GRAMD1A: variants seen among roughly 807,000 people sequenced by gnomAD.
The protein encoded by GRAMD1A is protein Aster-A.
A neutral mutation model predicts 92.0 loss-of-function variants in GRAMD1A; 50 were observed. That is an observed-to-expected ratio of 0.54 (90% CI 0.43 to 0.69). GRAMD1A has a LOEUF of 0.69. GRAMD1A is among the 30% of genes least tolerant of loss of function. GRAMD1A has a pLI of 0.00. For missense variants in GRAMD1A, 819 were observed against 978.9 expected (o/e 0.84, Z 2.18); for synonymous variants, 405 against 403.6 (o/e 1.00, Z -0.04).
At chr19:35,023,719 G>A (rs2016249549) in intron 19 of GRAMD1A, 172 bp downstream of exon 19, 1 of 639,598 alleles carries the variant, frequency 1.6e-6, no homozygotes, top group Non-Finnish European at 2.6e-6. Flanking sequence ...AAGCATGGAA[G>A]CATGGATGGA....
At chr19:35,009,085 C>T (rs2015026595) in intron 1 of GRAMD1A, 34 bp from the exon 2 acceptor site, 5 of 1,457,170 alleles carry the variant, frequency 3.4e-6, no homozygotes, top group Non-Finnish European at 4.8e-6. Context: ...CTGTTTTTTC[C>T]AGTTAACACT....
intron 1 of GRAMD1A, among the ~76,000 whole-genome samples, chr19:35,006,941 C>T (rs1432806575): frequency 6.6e-6 from 1 of 152,156 alleles, no homozygotes; most frequent in African/African-American, 2.4e-5. Context: ...GAAGGACATT[C>T]AGGCGGAGGG....
chr19:35,022,061 G>A, intron 16 of GRAMD1A, 23 bp downstream of exon 16: 1 of 1,555,578 alleles, frequency 6.4e-7, no homozygotes, highest in Admixed American at 1.7e-5. Context: ...CAGGAGCAGT[G>A]GCCACACAGG....
chr19:35,010,083 C>A lies in GRAMD1A; in HGVS notation c.326-9C>A. ...TGGGTGTCCTCCTGTCTCTCCCCGC[C>A]CCTCTCAGATTACTCCTGCGCCCTG... is the stretch of plus-strand genomic sequence containing the variant. On this transcript the variant is annotated splice_polypyrimidine_tract_variant and intron_variant, in intron 4 of 19. Coordinates refer to ENST00000317991, the MANE Select transcript of GRAMD1A (RefSeq NM_020895.5). The A allele has an allele frequency of 6.3e-7, 1 of 1,590,098 alleles. No homozygotes were observed. The highest frequency in any genetic ancestry group is 8.6e-7 in the Non-Finnish European group (1 of 1,158,090).
At chr19:35,018,227 A>G (rs2151727623) in intron 11 of GRAMD1A, among the ~76,000 whole-genome samples, 1 of 152,212 alleles carries the variant, frequency 6.6e-6, no homozygotes, top group African/African-American at 2.4e-5. Flanking sequence ...ACCTCAGGTG[A>G]TCCTCCTGCC....
upstream of GRAMD1A, among the ~76,000 whole-genome samples, chr19:34,996,993 C>T (rs1480118936): frequency 1.3e-5 from 2 of 151,862 alleles, no homozygotes; most frequent in Non-Finnish European, 1.5e-5. Context: ...AGTGCAGTGG[C>T]ATGATCTTGG....
intron 6 of GRAMD1A, among the ~76,000 whole-genome samples, chr19:35,011,221 C>T (rs560196557): frequency 6.6e-6 from 1 of 152,148 alleles, no homozygotes; most frequent in South Asian, 2.1e-4. Context: ...TCTAGAGATG[C>T]ATCTGTCCCC....
rs181875554 is a variant in GRAMD1A at position 35,021,207 on chromosome 19, G to A, written c.1476-295G>A. Reference sequence around the variant, plus strand: ...CGAATGGAAGAGGTTCAGGGGCATGGTCTGGTTAAGACGTCAGTCTGTGAG... The same window carrying A: ...CGAATGGAAGAGGTTCAGGGGCATGATCTGGTTAAGACGTCAGTCTGTGAG... On this transcript the variant is annotated intron_variant, in intron 13 of 19. Coordinates refer to ENST00000317991, the MANE Select transcript of GRAMD1A (RefSeq NM_020895.5). This position sits in a 1 kb window ranked among gnomAD's most constrained non-coding sequence, Gnocchi z 5.3. 5.3e-5 allele frequency among the ~76,000 whole-genome samples: 8 copies of A among 152,326 alleles called. No individual in the cohort carries two copies. The highest frequency in any genetic ancestry group is 1.9e-4 in the East Asian group (1 of 5,176).
intron 10 of GRAMD1A, chr19:35,015,286 C>T (rs2015543374): frequency 6.6e-6 from 1 of 152,606 alleles, no homozygotes; most frequent in Admixed American, 6.5e-5. Context: ...TTTTCTCTCT[C>T]CACTAATTTT....
In GRAMD1A at chr19:35,014,395, A is replaced by G; in HGVS notation, c.1069+8A>G. The G allele has an allele frequency of 6.2e-7, 1 of 1,612,822 alleles. No homozygotes were observed. Among genetic ancestry groups the G allele is most frequent in the African/African-American group, 1.3e-5 (1 of 75,026 alleles). On this transcript the variant is annotated splice_region_variant and intron_variant, in intron 10 of 19. Coordinates refer to ENST00000317991, the MANE Select transcript of GRAMD1A (RefSeq NM_020895.5). ...CATCCACTGGGGAGGAAGGTGAGGCAGGCGGGCCCAATTCATTCGCCTCCG... is the reference window on the plus strand; with the variant it reads ...CATCCACTGGGGAGGAAGGTGAGGCGGGCGGGCCCAATTCATTCGCCTCCG...
At chr19:35,017,927 C>T (rs1271697897) in intron 11 of GRAMD1A, among the ~76,000 whole-genome samples, 1 of 152,226 alleles carries the variant, frequency 6.6e-6, no homozygotes, top group Non-Finnish European at 1.5e-5. Flanking sequence ...CACTGGCCTC[C>T]AAGCCCTGCA....
chr19:35,000,328 G>A lies in GRAMD1A; in HGVS notation c.-151G>A. On this transcript the variant is annotated 5_prime_UTR_variant, in exon 1 of 20. In the 5' UTR this introduces an upstream ATG that the reference lacks. Coordinates refer to ENST00000317991, the MANE Select transcript of GRAMD1A (RefSeq NM_020895.5). This position sits in a 1 kb window ranked among gnomAD's most constrained non-coding sequence, Gnocchi z 4.9. ...CGGCCTCCGGCGGCTCCGGCCTTTT[G>A]TGCGGGCGGTTGGGTCGGGTGGGGG... The A allele has an allele frequency of 9.4e-7, 1 of 1,062,192 alleles. No individual in the cohort carries two copies. The highest frequency in any genetic ancestry group is 7.6e-5 in the East Asian group (1 of 13,190). 65.8% of individuals were successfully genotyped at this position (1,062,192 alleles called of 1,614,324 possible). A position where few individuals can be genotyped will look rare whatever the true frequency, so the allele number is the denominator to read the frequency against.
rs546254846 is a variant in GRAMD1A at position 35,011,822 on chromosome 19, G to A, written c.606+268G>A. Among the ~76,000 whole-genome samples the A allele has an allele frequency of 5.4e-4, 83 of 152,338 alleles. 1 individual carries two copies. In the South Asian group the frequency reaches 0.011, roughly 21 times the overall value. On this transcript the variant is annotated intron_variant, in intron 7 of 19. Transcript: ENST00000317991. Reference sequence around the variant, plus strand: ...AGGACATCCAGGTTCCACTGGCAGCGGGGGAGTGTGGATAGAGGCTGGGAG... The same window carrying A: ...AGGACATCCAGGTTCCACTGGCAGCAGGGGAGTGTGGATAGAGGCTGGGAG...
rs189839326 is a variant in GRAMD1A, at chr19:35,010,489, C to G, written c.525+110C>G. 103 of 737,624 alleles carry G rather than the reference C, an allele frequency of 1.4e-4. No homozygotes were observed. In the African/African-American group the frequency reaches 1.6e-3, roughly 11 times the overall value. The allele number at this position is 737,624 out of a possible 1,614,324, so 45.7% of individuals were successfully genotyped here. A position where few individuals can be genotyped will look rare whatever the true frequency, so the allele number is the denominator to read the frequency against. ...GCACCCTGAGTTCTCTCCGAGCTGT[C>G]CCCTTCTCTCTGTTCTCCCGGCCCA... is the stretch of plus-strand genomic sequence containing the variant. On this transcript the variant is annotated intron_variant, in intron 6 of 19. Coordinates refer to ENST00000317991, the MANE Select transcript of GRAMD1A (RefSeq NM_020895.5).
intron 1 of GRAMD1A, chr19:35,006,035 C>A: frequency 8.8e-6 from 4 of 454,540 alleles, no homozygotes; most frequent in South Asian, 6.2e-5. Context: ...TGAAATAAAC[C>A]AAGCCCATGG....
intron 6 of GRAMD1A, 153 bp downstream of exon 6, chr19:35,010,532 A>C: frequency 1.6e-6 from 1 of 625,038 alleles, no homozygotes. Flanking sequence ...ATCACCCCTG[A>C]CCTGATCCCC....
upstream of GRAMD1A, among the ~76,000 whole-genome samples, chr19:34,996,823 A>C (rs1390857804): frequency 1.3e-5 from 2 of 149,362 alleles, no homozygotes; most frequent in Non-Finnish European, 3.0e-5. Flanking sequence ...AAAAAAAAAG[A>C]GTGGATGGGT....
intron 3 of GRAMD1A, 164 bp from the exon 4 acceptor site, chr19:35,009,724 A>G: frequency 4.6e-6 from 3 of 654,290 alleles, no homozygotes; most frequent in Non-Finnish European, 8.3e-6. Flanking sequence ...GGCCCGGCTT[A>G]CATAAGAAAT....
chr19:35,024,803 T>A (rs2016322352), intron 19 of GRAMD1A: 1 of 152,296 alleles, frequency 6.6e-6, no homozygotes, highest in African/African-American at 2.4e-5. Context: ...TATTTTATTC[T>A]TTTGAGACAG....
Sources: gnomAD v4.1 joint callset for allele counts (sites outside exome capture counted in the v4.1 genomes callset) on GRCh38, gnomAD v4.1.1 for gene constraint, Gnocchi (gnomAD v3.1) non-coding constraint, MANE v1.5 for transcripts, NCBI Gene and HGNC (gene_info 2026-07-23, HGNC 2026-07-21) for gene names.